Variants in C1QTNF1 observed in about 807,000 individuals in gnomAD.
C1QTNF1 encodes the protein C1q and TNF related 1.
C1QTNF1 carries 22 observed loss-of-function variants against 27.8 expected under a neutral mutation model. That is an observed-to-expected ratio of 0.79 (90% CI 0.56 to 1.13). The LOEUF (loss-of-function observed/expected upper bound fraction) is 1.13. Among genes scored for constraint, C1QTNF1 ranks in the 50% most tolerant of loss-of-function variants. The pLI, the probability that C1QTNF1 is intolerant of heterozygous loss-of-function variation, is 0.00. For missense variants in C1QTNF1, 373 were observed against 380.2 expected, an observed-to-expected ratio of 0.98 and a Z score of 0.16; for synonymous variants, 166 against 154.3, an observed-to-expected ratio of 1.08 and a Z score of -0.56.
rs1372012282 is a variant in C1QTNF1, at chr17:79,046,686, T to C, written c.287T>C (p.Ile96Thr). Reference protein sequence around the residue: ...ATAVPQINITILKGEKGDRGD... With the variant: ...ATAVPQINITTLKGEKGDRGD... ...GCCGTGCCCCAGATCAACATCACTATCTTGAAAGGTCAGATGGCTGCAAAG... is the reference window on the plus strand; with the variant it reads ...GCCGTGCCCCAGATCAACATCACTACCTTGAAAGGTCAGATGGCTGCAAAG... The change falls in exon 3 of 4, where the codon ATC becomes ACC. Residue 96 changes from isoleucine (I) to threonine (T), a missense_variant. Transcript: ENST00000579760. The surrounding 1 kb of genome is among the most constrained non-coding windows in gnomAD (Gnocchi z 4.8). 2.5e-6 allele frequency: 4 copies of C among 1,614,094 alleles called. No homozygotes were observed. Among genetic ancestry groups the C allele is most frequent in the South Asian group, 2.2e-5 (2 of 91,074 alleles).
At position 79,043,162 on chromosome 17, in the gene C1QTNF1, A is replaced by C. The variant is rs564428436; in HGVS notation, c.-14-793A>C. Reference sequence around the variant, plus strand: ...GTTGGATTGCATGTGAGTGCATGTGATGGTATATGTGTGTGAGTGCATGTA... The same window carrying C: ...GTTGGATTGCATGTGAGTGCATGTGCTGGTATATGTGTGTGAGTGCATGTA... On this transcript the variant is annotated intron_variant, in intron 1 of 3. Coordinates refer to ENST00000579760, the MANE Select transcript of C1QTNF1 (RefSeq NM_030968.5). Among the ~76,000 whole-genome samples the C allele has an allele frequency of 2.7e-5, 4 of 145,502 alleles. No individual in the cohort carries two copies. In the South Asian group the frequency reaches 8.7e-4, roughly 32 times the overall value.
intron 1 of C1QTNF1, among the ~76,000 whole-genome samples, chr17:79,037,121 A>AT (rs201856610): frequency 1.3e-5 from 2 of 151,208 alleles, no homozygotes; most frequent in African/African-American, 4.9e-5. Flanking sequence ...ATGCCCAGCT[A>AT]TTTTTTTGTT....
intron 1 of C1QTNF1, among the ~76,000 whole-genome samples, chr17:79,031,565 G>A (rs1443309276): frequency 6.6e-6 from 1 of 152,162 alleles, no homozygotes; most frequent in South Asian, 2.1e-4. Context: ...TCCTGCCTCA[G>A]CCTCCCGAGT....
Position 79,048,360 on chromosome 17 carries a change from A to C in C1QTNF1, c.*272A>C, listed in dbSNP as rs1230185231. 7.9e-6 allele frequency: 3 copies of C among 378,896 alleles called. No individual in the cohort carries two copies. The highest frequency in any genetic ancestry group is 1.4e-5 in the Non-Finnish European group (3 of 213,098). 23.5% of individuals were successfully genotyped at this position (378,896 alleles called of 1,614,324 possible). On this transcript the variant is annotated 3_prime_UTR_variant, in exon 4 of 4. Coordinates refer to ENST00000579760, the MANE Select transcript of C1QTNF1 (RefSeq NM_030968.5). ...TGCACACATCCTCAAGTGACCCCGCACGGCGAGACGCGGGTGGCGGCAGGG... is the reference window on the plus strand; with the variant it reads ...TGCACACATCCTCAAGTGACCCCGCCCGGCGAGACGCGGGTGGCGGCAGGG...
Position 79,046,491 on chromosome 17 carries a change from GGA to G in C1QTNF1, c.156-58_156-57del. ...AGGCATGCCAGAACCACTGGCAGCA[GGA>G]GAGAGCAGCGTTTCCAGGCCTGAGA... On this transcript the variant is annotated intron_variant, in intron 2 of 3. Transcript: ENST00000579760. The surrounding 1 kb of genome is among the most constrained non-coding windows in gnomAD (Gnocchi z 4.8). 1 of 1,604,906 alleles carries G rather than the reference GGA, an allele frequency of 6.2e-7. No homozygotes were observed. The highest frequency in any genetic ancestry group is 1.3e-5 in the African/African-American group (1 of 74,920).
At position 79,030,481 on chromosome 17, in the gene C1QTNF1, TTCTTTTTCTTTCTTTC is replaced by T. The variant is rs1351200952; in HGVS notation, c.-15+5989_-15+6004del. Among the ~76,000 whole-genome samples the T allele has an allele frequency of 2.9e-3, 320 of 110,864 alleles. 2 individuals carry two copies. The highest frequency in any genetic ancestry group is 0.011 in the South Asian group (36 of 3,166). 72.7% of individuals were successfully genotyped at this position (110,864 alleles called of 152,430 possible). ...TTCTTTTCTTTCTTTCTTTCTTTCT[TTCTTTTTCTTTCTTTC>T]TTTCTTTCTTTCTTTCTTTCTTTCT... On this transcript the variant is annotated intron_variant, in intron 1 of 3. Coordinates refer to ENST00000579760, the MANE Select transcript of C1QTNF1 (RefSeq NM_030968.5).
chr17:79,048,204 C>G lies in C1QTNF1; in HGVS notation c.*116C>G. 1 of 1,019,090 alleles carries G rather than the reference C, an allele frequency of 9.8e-7. No homozygotes were observed. Among genetic ancestry groups the G allele is most frequent in the Non-Finnish European group, 1.4e-6 (1 of 723,728 alleles). The allele number at this position is 1,019,090 out of a possible 1,614,324, so 63.1% of individuals were successfully genotyped here. On this transcript the variant is annotated 3_prime_UTR_variant, in exon 4 of 4. Coordinates refer to ENST00000579760, the MANE Select transcript of C1QTNF1 (RefSeq NM_030968.5). ...CCTGGCTTTGGCATTCAGTGAGACGCCCTGCACACACAGAAAGCCAAAGCG... is the reference window on the plus strand; with the variant it reads ...CCTGGCTTTGGCATTCAGTGAGACGGCCTGCACACACAGAAAGCCAAAGCG...
At chr17:79,031,164 C>G (rs1388819213) in intron 1 of C1QTNF1, among the ~76,000 whole-genome samples, 2 of 151,480 alleles carry the variant, frequency 1.3e-5, no homozygotes, top group Non-Finnish European at 2.9e-5. Context: ...TGCCACCACG[C>G]CCGGCTAATT....
At chr17:79,045,677 A>G (rs2072551439) in intron 2 of C1QTNF1, among the ~76,000 whole-genome samples, 1 of 152,192 alleles carries the variant, frequency 6.6e-6, no homozygotes, top group South Asian at 2.1e-4. Flanking sequence ...CAGAGCTCAG[A>G]AAGAGAAGAT....
intron 2 of C1QTNF1, among the ~76,000 whole-genome samples, chr17:79,045,728 A>T (rs1420995161): frequency 2.0e-5 from 3 of 152,290 alleles, no homozygotes; most frequent in Middle Eastern, 3.4e-3. Flanking sequence ...TCGGTTTTGC[A>T]TACATGACAT....
In C1QTNF1 at chr17:79,048,243, G is replaced by T; in HGVS notation, c.*155G>T. ...AAAGCCAAAGCGATCGGTGCTCCCA[G>T]ATCCCGCAGCCTCTGGAGAGAGCTG... is the stretch of plus-strand genomic sequence containing the variant. On this transcript the variant is annotated 3_prime_UTR_variant, in exon 4 of 4. Transcript: ENST00000579760. The T allele has an allele frequency of 1.3e-6, 1 of 759,486 alleles. No individual in the cohort carries two copies. Among genetic ancestry groups the T allele is most frequent in the East Asian group, 2.8e-5 (1 of 35,566 alleles). 47.0% of individuals were successfully genotyped at this position (759,486 alleles called of 1,614,324 possible).
chr17:79,039,290 G>A (rs571942418), intron 1 of C1QTNF1, among the ~76,000 whole-genome samples: 1 of 152,200 alleles, frequency 6.6e-6, no homozygotes, highest in Non-Finnish European at 1.5e-5. Flanking sequence ...CAGGGTTACT[G>A]CTAAGCATCC....
At chr17:79,027,032 A>G (rs552888037) in intron 1 of C1QTNF1, among the ~76,000 whole-genome samples, 14 of 149,746 alleles carry the variant, frequency 9.3e-5, no homozygotes, top group Non-Finnish European at 1.3e-4. Flanking sequence ...GTGCGCAGGG[A>G]CTGGAGCTTC....
intron 1 of C1QTNF1, chr17:79,043,485 G>C: frequency 2.2e-6 from 1 of 451,968 alleles, no homozygotes; most frequent in South Asian, 1.6e-5. Flanking sequence ...TGGGTGCGTG[G>C]ATTGCATGAG....
At chr17:79,043,837 G>A (rs766692804) in intron 1 of C1QTNF1, 118 bp from the exon 2 acceptor site, 86 of 1,084,324 alleles carry the variant, frequency 7.9e-5, no homozygotes, top group Non-Finnish European at 1.1e-4. Context: ...TCCCAGTGGC[G>A]TGAGGCTGGG....
At chr17:79,029,195 TTGGTGGGCACCGTAA>T in intron 1 of C1QTNF1, among the ~76,000 whole-genome samples, 1 of 152,118 alleles carries the variant, frequency 6.6e-6, no homozygotes, top group African/African-American at 2.4e-5. Flanking sequence ...AGTAAGCAAA[TTGGTGGGCACCGTAA>T]CCCTGAGCCC....
intron 1 of C1QTNF1, among the ~76,000 whole-genome samples, chr17:79,026,704 G>A (rs889931051): frequency 4.9e-4 from 75 of 152,154 alleles, no homozygotes; most frequent in African/African-American, 1.7e-3. Flanking sequence ...GGAAGCCCTA[G>A]GTGGGCGCTG....
intron 1 of C1QTNF1, among the ~76,000 whole-genome samples, chr17:79,032,473 A>G (rs1473236633): frequency 5.9e-5 from 9 of 152,176 alleles, no homozygotes; most frequent in African/African-American, 2.2e-4. Context: ...CAGGGGTGGC[A>G]TTCAGATTTG....
chr17:79,030,514 T>TTTCTTTCTTTCTTTC (rs1163936811), intron 1 of C1QTNF1, among the ~76,000 whole-genome samples: 1 of 138,650 alleles, frequency 7.2e-6, no homozygotes, highest in Non-Finnish European at 1.6e-5. Flanking sequence ...TCTTTCTTTC[T>TTTCTTTCTTTCTTTC]TTCTTTCTTT....
Sources: gnomAD v4.1 joint callset for allele counts (sites outside exome capture counted in the v4.1 genomes callset) on GRCh38, gnomAD v4.1.1 for gene constraint, Gnocchi (gnomAD v3.1) non-coding constraint, MANE v1.5 for transcripts, NCBI Gene and HGNC (gene_info 2026-07-23, HGNC 2026-07-21) for gene names.